HDAC9: variants seen among roughly 807,000 people sequenced by gnomAD.
The protein encoded by HDAC9 is MEF-2 interacting transcription repressor (MITR) protein.
In HDAC9, 41 loss-of-function variants were observed where a neutral mutation model predicts 139.4. The observed-to-expected ratio is 0.29, with a 90% CI of 0.23 to 0.38. The LOEUF is 0.38. HDAC9 is among the 10% of genes least tolerant of loss of function. The pLI is 1.00. For missense variants in HDAC9, 1,147 were observed against 1,297.0 expected, an observed-to-expected ratio of 0.88 and a Z score of 1.78; for synonymous variants, 517 against 476.2, an observed-to-expected ratio of 1.09 and a Z score of -1.12.
At chr7:18,782,534 A>G (rs1191411578) in intron 16 of HDAC9, among the ~76,000 whole-genome samples, 3 of 152,060 alleles carry the variant, frequency 2.0e-5, no homozygotes, top group Non-Finnish European at 4.4e-5. Flanking sequence ...AAAGCCTGCA[A>G]AGACCCACAT....
At chr7:18,233,163 T>A (rs566710351) in intron 2 of HDAC9, among the ~76,000 whole-genome samples, 3 of 152,298 alleles carry the variant, frequency 2.0e-5, no homozygotes, top group African/African-American at 7.2e-5. Context: ...GCTGCCCATA[T>A]ACATCAGAGG....
chr7:18,343,162 T>G (rs1195089559), intron 1 of HDAC9, among the ~76,000 whole-genome samples: 7 of 151,832 alleles, frequency 4.6e-5, no homozygotes, highest in Non-Finnish European at 1.0e-4. Flanking sequence ...GTTGGGCTGT[T>G]AAACCAGCAG....
At chr7:18,702,714 C>T (rs926451578) in intron 12 of HDAC9, among the ~76,000 whole-genome samples, 5 of 152,162 alleles carry the variant, frequency 3.3e-5, no homozygotes, top group Non-Finnish European at 7.3e-5. Flanking sequence ...AAACCTGTCA[C>T]GATTCAAGGA....
intron 2 of HDAC9, among the ~76,000 whole-genome samples, chr7:18,261,929 TTAG>T (rs1795706731): frequency 6.6e-6 from 1 of 152,252 alleles, no homozygotes; most frequent in African/African-American, 2.4e-5. Flanking sequence ...TTGCTGCTTA[TTAG>T]TGCAATCTGG....
chr7:18,439,954 A>T (rs1791594477), intron 1 of HDAC9, among the ~76,000 whole-genome samples: 1 of 152,168 alleles, frequency 6.6e-6, no homozygotes, highest in Non-Finnish European at 1.5e-5. Flanking sequence ...TACTTCACTT[A>T]ATGATAGCAA....
intron 13 of HDAC9, among the ~76,000 whole-genome samples, chr7:18,728,460 C>G (rs945100392): frequency 6.6e-6 from 1 of 151,624 alleles, no homozygotes; most frequent in Non-Finnish European, 1.5e-5. Context: ...GGGTGCTATT[C>G]CCTCTGCAAA....
intron 13 of HDAC9, among the ~76,000 whole-genome samples, chr7:18,745,824 G>C (rs572995023): frequency 6.6e-6 from 1 of 150,874 alleles, no homozygotes; most frequent in Non-Finnish European, 1.5e-5. Context: ...GGGATTACAG[G>C]CGTGAGCCAC....
chr7:18,799,332 T>A (rs1223730545), intron 17 of HDAC9, among the ~76,000 whole-genome samples: 2 of 152,200 alleles, frequency 1.3e-5, no homozygotes, highest in Non-Finnish European at 2.9e-5. Context: ...TTTACCATAC[T>A]GTTTTGTTTA....
intron 22 of HDAC9, among the ~76,000 whole-genome samples, chr7:18,929,863 C>T (rs760711506): frequency 2.0e-5 from 3 of 151,882 alleles, no homozygotes; most frequent in Non-Finnish European, 2.9e-5. Context: ...TGCTTGAACC[C>T]GGGAGGTGGA....
intron 25 of HDAC9, among the ~76,000 whole-genome samples, chr7:18,985,458 C>G (rs1225830868): frequency 6.6e-6 from 1 of 152,134 alleles, no homozygotes; most frequent in Admixed American, 6.5e-5. Context: ...TTTTCTTAAT[C>G]CAGTCTATCA....
At chr7:18,183,856 G>A (rs1392742779) in intron 2 of HDAC9, among the ~76,000 whole-genome samples, 1 of 152,146 alleles carries the variant, frequency 6.6e-6, no homozygotes, top group Non-Finnish European at 1.5e-5. Flanking sequence ...GGGCTGTTGA[G>A]TGTCTTTCTC....
chr7:18,725,381 A>G (rs1372619499), intron 12 of HDAC9, among the ~76,000 whole-genome samples: 3 of 152,174 alleles, frequency 2.0e-5, no homozygotes, highest in Non-Finnish European at 4.4e-5. Flanking sequence ...AGAACTTAGA[A>G]AAGAATAAAT....
At chr7:18,960,462 G>T (rs1227500740) in intron 24 of HDAC9, among the ~76,000 whole-genome samples, 2 of 151,752 alleles carry the variant, frequency 1.3e-5, no homozygotes, top group African/African-American at 4.8e-5. Flanking sequence ...CTGTAGTTCT[G>T]GGAACTGGTC....
chr7:18,211,096 T>A (rs1319797128), intron 2 of HDAC9, among the ~76,000 whole-genome samples: 1 of 152,186 alleles, frequency 6.6e-6, no homozygotes, highest in Non-Finnish European at 1.5e-5. Context: ...GGAATGAGAA[T>A]GCCTAATAAT....
At chr7:18,769,154 C>A (rs1790072953) in intron 16 of HDAC9, among the ~76,000 whole-genome samples, 1 of 152,160 alleles carries the variant, frequency 6.6e-6, no homozygotes, top group South Asian at 2.1e-4. Flanking sequence ...TTGAGGCCAT[C>A]TCCCTAGGAC....
rs1309590895 is a variant in HDAC9, at chr7:18,557,341, T to TG, written c.23-27940_23-27939insG. On this transcript the variant is annotated intron_variant, in intron 2 of 25. Transcript: ENST00000686413. ...TGACAACTTTAAAGCAATGATGAGT[T>TG]TTTTTTTTTTTTTTTATATCTAACC... Among the ~76,000 whole-genome samples, 158 of 142,164 alleles carry TG rather than the reference T, an allele frequency of 1.1e-3. 1 individual carries two copies. The highest frequency in any genetic ancestry group is 1.3e-3 in the Non-Finnish European group (87 of 66,320). The allele number at this position is 142,164 out of a possible 152,430, so 93.3% of individuals were successfully genotyped here. A position where few individuals can be genotyped will look rare whatever the true frequency, so the allele number is the denominator to read the frequency against.
chr7:18,324,333 C>T (rs964019052), intron 1 of HDAC9, among the ~76,000 whole-genome samples: 10 of 152,094 alleles, frequency 6.6e-5, no homozygotes, highest in South Asian at 2.1e-4. Flanking sequence ...AGGCAAACCC[C>T]GGTTCAATTT....
chr7:18,278,036 C>T (rs893457393), intron 2 of HDAC9, among the ~76,000 whole-genome samples: 13 of 152,312 alleles, frequency 8.5e-5, no homozygotes, highest in African/African-American at 2.9e-4. Context: ...CTAGCAACAT[C>T]GTACAAACAA....
chr7:18,498,533 A>T (rs1797541139), intron 2 of HDAC9, among the ~76,000 whole-genome samples: 1 of 152,104 alleles, frequency 6.6e-6, no homozygotes, highest in Non-Finnish European at 1.5e-5. Flanking sequence ...GTTTGTCTTA[A>T]TTTAGCTACA....
Sources: allele counts gnomAD v4.1 joint callset (sites outside exome capture counted in the v4.1 genomes callset), GRCh38; gene constraint gnomAD v4.1.1; transcripts MANE v1.5; gene names NCBI Gene and HGNC (gene_info 2026-07-23, HGNC 2026-07-21).